The following HS1BP3 variants were observed in gnomAD, a reference collection of about 807,000 sequenced individuals.
HS1BP3 encodes HCLS1-binding protein 3.
In HS1BP3, 32 loss-of-function variants were observed where a neutral mutation model predicts 33.5. The observed-to-expected ratio is 0.95, with a 90% CI of 0.72 to 1.28. The LOEUF (loss-of-function observed/expected upper bound fraction) is 1.28. Ranked by LOEUF, HS1BP3 falls within the 50% of genes most tolerant of loss-of-function variation. The pLI, the probability that HS1BP3 is intolerant of heterozygous loss-of-function variation, is 0.00. For synonymous variants in HS1BP3, 187 were observed against 209.2 expected (o/e 0.89, Z 0.92); for missense variants, 486 against 502.3 (o/e 0.97, Z 0.31).
intron 2 of HS1BP3, among the ~76,000 whole-genome samples, chr2:20,642,837 C>T (rs1006743921): frequency 1.3e-5 from 2 of 152,182 alleles, no homozygotes; most frequent in African/African-American, 2.4e-5. Context: ...ATCTGGTGCC[C>T]CCGTGTGCCA....
At chr2:20,580,604 A>G (rs1693510588) in intron 5 of HS1BP3, among the ~76,000 whole-genome samples, 1 of 152,232 alleles carries the variant, frequency 6.6e-6, no homozygotes, top group South Asian at 2.1e-4. Flanking sequence ...GGTTATAAAA[A>G]GAATTCACAG....
chr2:20,563,285 A>G (rs1299851893), intron 5 of HS1BP3, among the ~76,000 whole-genome samples: 1 of 152,224 alleles, frequency 6.6e-6, no homozygotes, highest in African/African-American at 2.4e-5. Flanking sequence ...CACACATTAC[A>G]GATGGGGAAA....
At chr2:20,567,492 T>C (rs1402814985) in intron 5 of HS1BP3, among the ~76,000 whole-genome samples, 1 of 151,930 alleles carries the variant, frequency 6.6e-6, no homozygotes, top group Non-Finnish European at 1.5e-5. Flanking sequence ...GTAAGTTCGT[T>C]AAGACAGAGA....
intron 5 of HS1BP3, among the ~76,000 whole-genome samples, chr2:20,575,772 C>A (rs12233098): frequency 6.7e-6 from 1 of 149,282 alleles, no homozygotes; most frequent in African/African-American, 2.6e-5. Context: ...CCCCCCCCCC[C>A]CCTTCAGGCT....
downstream of HS1BP3, among the ~76,000 whole-genome samples, chr2:20,592,248 G>T (rs1043854321): frequency 6.6e-6 from 1 of 152,082 alleles, no homozygotes; most frequent in African/African-American, 2.4e-5. Context: ...TTGCTTGAAC[G>T]CGGGAGGCAG....
chr2:20,560,871 G>A (rs1692975647), intron 5 of HS1BP3, among the ~76,000 whole-genome samples: 1 of 152,136 alleles, frequency 6.6e-6, no homozygotes, highest in Non-Finnish European at 1.5e-5. Context: ...GGGACTGTGG[G>A]TGGGAGCAGC....
chr2:20,616,454 C>A (rs1236699439), downstream of HS1BP3, among the ~76,000 whole-genome samples: 1 of 152,220 alleles, frequency 6.6e-6, no homozygotes, highest in Admixed American at 6.5e-5. Flanking sequence ...GACAGAGGCG[C>A]AGGGCCATCT....
chr2:20,581,730 C>T (rs939630794), intron 5 of HS1BP3, among the ~76,000 whole-genome samples: 5 of 152,344 alleles, frequency 3.3e-5, no homozygotes, highest in Admixed American at 2.6e-4. Flanking sequence ...CAGGGTCTCA[C>T]AAGACTGTAA....
intron 2 of HS1BP3, chr2:20,606,534 G>A (rs774346453): frequency 1.9e-5 from 9 of 479,474 alleles, no homozygotes; most frequent in African/African-American, 4.0e-5. Context: ...GGCTTGTCCC[G>A]AACTATGTCT....
downstream of HS1BP3, among the ~76,000 whole-genome samples, chr2:20,557,522 T>C (rs929582196): frequency 3.0e-4 from 46 of 152,214 alleles, no homozygotes; most frequent in Non-Finnish European, 4.4e-5. Flanking sequence ...CCTGATGAAC[T>C]CTTTGTCATG....
downstream of HS1BP3, among the ~76,000 whole-genome samples, chr2:20,614,214 C>T (rs550009986): frequency 3.9e-4 from 59 of 152,162 alleles, no homozygotes; most frequent in Non-Finnish European, 7.3e-4. Context: ...TAGGATCCTT[C>T]CCTAGAGATT....
At chr2:20,626,895 A>C (rs188092919) in intron 4 of HS1BP3, among the ~76,000 whole-genome samples, 45 of 152,204 alleles carry the variant, frequency 3.0e-4, no homozygotes, top group Admixed American at 2.3e-3. Context: ...ATTCTTACCA[A>C]TCAGGCAGAG....
intron 5 of HS1BP3, among the ~76,000 whole-genome samples, chr2:20,568,491 G>A (rs527595086): frequency 1.3e-5 from 2 of 152,270 alleles, no homozygotes; most frequent in South Asian, 2.1e-4. Flanking sequence ...GCCCTGTCAG[G>A]TTTTAAGCAG....
In HS1BP3 at chr2:20,627,394, A is replaced by G. The variant is rs985178654; in HGVS notation, c.624-2502T>C. Reference sequence around the variant, plus strand: ...GAGCAAGAGGCTTTGCATTGACCAGAAATCAGAGGGCGCAGAGAGGGAAGC... The same window carrying G: ...GAGCAAGAGGCTTTGCATTGACCAGGAATCAGAGGGCGCAGAGAGGGAAGC... On this transcript the variant is annotated intron_variant, in intron 4 of 6. Transcript: ENST00000304031. Among the ~76,000 whole-genome samples, 6 of 152,360 alleles carry G rather than the reference A, an allele frequency of 3.9e-5. No individual in the cohort carries two copies. In the South Asian group the frequency reaches 1.0e-3, roughly 26 times the overall value.
intron 4 of HS1BP3, among the ~76,000 whole-genome samples, chr2:20,627,252 C>T (rs1355757077): frequency 6.6e-6 from 1 of 152,216 alleles, no homozygotes; most frequent in East Asian, 1.9e-4. Context: ...TCTGCAGCCT[C>T]CCCCAGCAGC....
chr2:20,611,061 G>GT lies in HS1BP3; in HGVS notation c.179-12797dup, dbSNP rs1198225694. Reference sequence around the variant, plus strand: ...TATATGTGGGATCATACAAGATATAGTTTTGGGGTCTGGCTTCTTTCACTT... The same window carrying GT: ...TATATGTGGGATCATACAAGATATAGTTTTTGGGGTCTGGCTTCTTTCACTT... On this transcript the variant is annotated intron_variant, in intron 2 of 3. Coordinates refer to the HS1BP3 transcript ENST00000415264. This position sits in a 1 kb window ranked among gnomAD's most constrained non-coding sequence, Gnocchi z 4.9. Among the ~76,000 whole-genome samples the GT allele has an allele frequency of 6.6e-6, 1 of 152,344 alleles. No homozygotes were observed. Among genetic ancestry groups the GT allele is most frequent in the East Asian group, 1.9e-4 (1 of 5,194 alleles).
chr2:20,624,993 G>T, intron 4 of HS1BP3, 101 bp from the exon 5 acceptor site: 1 of 1,372,642 alleles, frequency 7.3e-7, no homozygotes, highest in Non-Finnish European at 1.0e-6. Flanking sequence ...TGGAGGGGCT[G>T]GATGCCATGG....
At chr2:20,621,417 C>T (rs1224945048) in intron 6 of HS1BP3, among the ~76,000 whole-genome samples, 1 of 152,250 alleles carries the variant, frequency 6.6e-6, no homozygotes, top group African/African-American at 2.4e-5. Flanking sequence ...GAGGGACTGG[C>T]CCAAGCCGGG....
intron 2 of HS1BP3, 62 bp downstream of exon 2, chr2:20,645,278 T>A: frequency 1.3e-6 from 2 of 1,522,764 alleles, no homozygotes; most frequent in East Asian, 2.3e-5. Context: ...GGTGGGCAGA[T>A]GTGTCTGCCC....
Sources: gnomAD v4.1 joint callset for allele counts (sites outside exome capture counted in the v4.1 genomes callset) on GRCh38, gnomAD v4.1.1 for gene constraint, Gnocchi (gnomAD v3.1) non-coding constraint, MANE v1.5 for transcripts, NCBI Gene and HGNC (gene_info 2026-07-23, HGNC 2026-07-21) for gene names.